Variants in FUS observed in about 807,000 individuals in gnomAD.
The protein encoded by FUS is FUS RNA binding protein.
In FUS, 5 loss-of-function variants were observed where a neutral mutation model predicts 82.7. The observed-to-expected ratio is 0.06, with a 90% CI of 0.03 to 0.13. The LOEUF is 0.13. FUS is among the 10% of genes least tolerant of loss of function. The pLI, the probability that FUS is intolerant of heterozygous loss-of-function variation, is 1.00. For missense variants in FUS, 512 were observed against 707.8 expected, an observed-to-expected ratio of 0.72 and a Z score of 3.14; for synonymous variants, 281 against 247.4, an observed-to-expected ratio of 1.14 and a Z score of -1.27.
chr16:31,193,803 A>AT (rs575407915), downstream of FUS: 459 of 490,934 alleles, frequency 9.3e-4, 2 homozygotes, highest in East Asian at 1.4e-3. Context: ...CACCTGGGTA[A>AT]TTTTTTTTTT....
rs745396232 is a variant in FUS at position 31,185,078 on chromosome 16, T to TGGTGGC, written c.666_671dup (p.Gly230_Gly231dup). 1.2e-6 allele frequency: 2 copies of TGGTGGC among 1,608,792 alleles called. No individual in the cohort carries two copies. The highest frequency in any genetic ancestry group is 2.2e-5 in the East Asian group (1 of 44,732). ...GTGGAGGCCGCGGCAGGGGTGGCAG[T>TGGTGGC]GGTGGCGGCGGCGGCGGCGGCGGTG... On this transcript the variant is annotated inframe_insertion, in exon 6 of 15. Coordinates refer to ENST00000254108, the MANE Select transcript of FUS (RefSeq NM_004960.4).
Position 31,191,003 on chromosome 16 carries a change from C to G in FUS, c.1434C>G (p.Gly478=). ...ATGATCGTCGTGGTGGCAGAGGAGG[C>G]TATGATCGAGGCGGCTACCGGGGCC... ...YGDDRRGGRG[G]YDRGGYRGRG... The change falls in exon 14 of 15, where the codon GGC becomes GGG. Residue 478 remains glycine, a synonymous_variant. Transcript: ENST00000254108. 6.2e-7 allele frequency: 1 copy of G among 1,613,754 alleles called. No homozygotes were observed. Among genetic ancestry groups the G allele is most frequent in the African/African-American group, 1.3e-5 (1 of 74,960 alleles).
At chr16:31,189,878 T>C in intron 10 of FUS, 84 bp downstream of exon 10, 1 of 1,609,010 alleles carries the variant, frequency 6.2e-7, no homozygotes, top group East Asian at 2.2e-5. Flanking sequence ...TGAGGGTTCT[T>C]TTGAGTCTTC....
At position 31,183,859 on chromosome 16, in the gene FUS, A is replaced by G. The variant is rs776333956; in HGVS notation, c.192A>G (p.Thr64=). 7 of 1,614,064 alleles carry G rather than the reference A, an allele frequency of 4.3e-6. No individual in the cohort carries two copies. The highest frequency in any genetic ancestry group is 3.3e-5 in the South Asian group (3 of 91,080). ...ACTCCCTTTTTCTTATCCTGGTAGCAGGCTATGGAACTCAGTCAACTCCCC... is the reference window on the plus strand; with the variant it reads ...ACTCCCTTTTTCTTATCCTGGTAGCGGGCTATGGAACTCAGTCAACTCCCC... ...SYSSYGQSQN[T]GYGTQSTPQG... Residue 64 remains threonine (T), a splice_region_variant and synonymous_variant, in exon 4 of 15, where the codon ACA becomes ACG. Transcript: ENST00000254108.
intron 3 of FUS, 35 bp from the exon 4 acceptor site, chr16:31,183,823 T>C (rs1300160413): frequency 1.9e-6 from 3 of 1,614,056 alleles, no homozygotes; most frequent in Non-Finnish European, 2.5e-6. Flanking sequence ...TCTTTCCTGG[T>C]GGCTTTTGTG....
Position 31,180,168 on chromosome 16 carries a change from G to A in FUS, c.-47G>A, listed in dbSNP as rs72550864. The A allele has an allele frequency of 6.2e-4, 996 of 1,604,130 alleles. 2 individuals are homozygous for A. In the African/African-American group the frequency reaches 0.011, roughly 18 times the overall value. On this transcript the variant is annotated 5_prime_UTR_variant, in exon 1 of 15. Coordinates refer to ENST00000254108, the MANE Select transcript of FUS (RefSeq NM_004960.4). The stretch of plus-strand genomic sequence containing the variant: ...AGTCCTCCAGGCGTCGGTACTCAGC[G>A]GTGTTGGAACTTCGTTGCTTGCTTG...
rs1290548956 is a variant in FUS, at chr16:31,190,416, T to C, written c.1292+18T>C. On this transcript the variant is annotated intron_variant, in intron 12 of 14. Transcript: ENST00000254108. ...CCTAATCCGTGAGTGAAACTTAATT[T>C]TTTTCTTAGTTCTCTTGCATGCGTG... 1.2e-6 allele frequency: 2 copies of C among 1,613,958 alleles called. No homozygotes were observed. The highest frequency in any genetic ancestry group is 2.7e-5 in the African/African-American group (2 of 74,914).
chr16:31,190,265 T>C lies in FUS; in HGVS notation c.1169-10T>C, dbSNP rs377015324. On this transcript the variant is annotated splice_polypyrimidine_tract_variant and intron_variant, in intron 11 of 14. Coordinates refer to ENST00000254108, the MANE Select transcript of FUS (RefSeq NM_004960.4). ...AGGGAGCAGACCCATACTTGGTCTA[T>C]CTGCATTAGGACCCATGGGCCGTGG... 4 of 1,613,970 alleles carry C rather than the reference T, an allele frequency of 2.5e-6. No individual in the cohort carries two copies. The African/African-American group carries it at 4.0e-5, about 16-fold the overall frequency.
In FUS at chr16:31,182,819, C is replaced by T. The variant is rs1317402992; in HGVS notation, c.190+155C>T. On this transcript the variant is annotated intron_variant, in intron 3 of 14. Transcript: ENST00000254108. ...GCAACATCAGCCTACCGGGTTCAAA[C>T]GATTCTCCTGCCTCAGCCTCCTGAG... 2.2e-5 allele frequency: 19 copies of T among 878,682 alleles called. No homozygotes were observed. In the Admixed American group the frequency reaches 3.5e-4, roughly 16 times the overall value. 54.4% of individuals were successfully genotyped at this position (878,682 alleles called of 1,614,324 possible). A position where few individuals can be genotyped will look rare whatever the true frequency, so the allele number is the denominator to read the frequency against.
chr16:31,194,580 A>G, downstream of FUS: 1 of 498,910 alleles, frequency 2.0e-6, no homozygotes, highest in South Asian at 1.5e-5. Flanking sequence ...TGCTGGGATT[A>G]AGGTGTGAGA....
downstream of FUS, chr16:31,193,047 C>T (rs772407296): frequency 1.5e-4 from 71 of 484,638 alleles, 1 homozygote; most frequent in Middle Eastern, 1.8e-3. Context: ...ACCGCAACTG[C>T]CGCCTCCTGG....
chr16:31,190,168 GA>G, intron 11 of FUS, 27 bp downstream of exon 11: 1 of 1,614,080 alleles, frequency 6.2e-7, no homozygotes, highest in Non-Finnish European at 8.5e-7. Flanking sequence ...TAGTGGTGCA[GA>G]GGGGTAATGG....
At chr16:31,187,834 G>A (rs959970073) in intron 7 of FUS, 10 of 241,050 alleles carry the variant, frequency 4.1e-5, no homozygotes, top group African/African-American at 1.8e-4. Context: ...GAAACAACAC[G>A]GTTTTAAGGA....
In FUS at chr16:31,185,081, TGGC is replaced by T. The variant is rs72550890; in HGVS notation, c.684_686del (p.Gly231del). 476 of 1,606,830 alleles carry T rather than the reference TGGC, an allele frequency of 3.0e-4. 4 individuals carry two copies. The highest frequency in any genetic ancestry group is 1.8e-3 in the African/African-American group (135 of 74,688). ...GAGGCCGCGGCAGGGGTGGCAGTGG[TGGC>T]GGCGGCGGCGGCGGCGGTGGTGGTT... On this transcript the variant is annotated inframe_deletion, in exon 6 of 15. Transcript: ENST00000254108.
chr16:31,186,240 C>T lies in FUS; in HGVS notation c.765-562C>T, dbSNP rs1416022660. The T allele has an allele frequency of 4.8e-5, 12 of 251,628 alleles. No individual in the cohort carries two copies. The Admixed American group carries it at 5.8e-4, about 12-fold the overall frequency. 15.6% of individuals were successfully genotyped at this position (251,628 alleles called of 1,614,324 possible). On this transcript the variant is annotated intron_variant, in intron 6 of 14. Coordinates refer to ENST00000254108, the MANE Select transcript of FUS (RefSeq NM_004960.4). ...CTTCTCGCAGTGTAGAAGGGGTGAC[C>T]CCGGGGGTTGGGGGAGATCAAAAAC...
Position 31,188,402 on chromosome 16 carries a change from T to C in FUS, c.832+45T>C, listed in dbSNP as rs368943970. ...CATGAAAAGAGTGGCTAAAGTGGTA[T>C]CAAGACTGCCTGGATGTTCTTTGAA... On this transcript the variant is annotated intron_variant, in intron 8 of 14. Coordinates refer to ENST00000254108, the MANE Select transcript of FUS (RefSeq NM_004960.4). 1.9e-6 allele frequency: 3 copies of C among 1,596,218 alleles called. No homozygotes were observed. The African/African-American group carries it at 4.0e-5, about 21-fold the overall frequency.
chr16:31,192,004 G>A (rs938615565), downstream of FUS: 2 of 533,196 alleles, frequency 3.8e-6, no homozygotes, highest in Admixed American at 2.2e-5. Context: ...TTTGACCATG[G>A]TGGAGAGCGC....
intron 1 of FUS, among the ~76,000 whole-genome samples, chr16:31,181,305 G>C (rs1447771829): frequency 5.9e-5 from 9 of 152,220 alleles, no homozygotes; most frequent in Non-Finnish European, 1.5e-5. Flanking sequence ...TCCTGCGGGG[G>C]AAGCGCCGCG....
intron 1 of FUS, among the ~76,000 whole-genome samples, chr16:31,181,849 T>G (rs1242564066): frequency 1.3e-5 from 2 of 152,210 alleles, no homozygotes; most frequent in Non-Finnish European, 2.9e-5. Context: ...CCTTGGTTTT[T>G]CCAATGGTTA....
Sources: allele counts gnomAD v4.1 joint callset (sites outside exome capture counted in the v4.1 genomes callset), GRCh38; gene constraint gnomAD v4.1.1; transcripts MANE v1.5; gene names NCBI Gene and HGNC (gene_info 2026-07-23, HGNC 2026-07-21).